Variants in AP1M2 observed in about 807,000 individuals in gnomAD.
AP1M2 encodes the protein AP-1 complex subunit mu-2.
In AP1M2, 41 loss-of-function variants were observed where a neutral mutation model predicts 54.6. The ratio of observed to expected loss-of-function variants is 0.75; its 90% confidence interval spans 0.59 to 0.97. The LOEUF is 0.97. Among genes scored for constraint, AP1M2 ranks in the 50% least tolerant of loss-of-function variants. The pLI is 0.00. For synonymous variants in AP1M2, 219 were observed against 215.9 expected (o/e 1.01, Z -0.13); for missense variants, 507 against 561.2 (o/e 0.90, Z 0.98).
intron 1 of AP1M2, 24 bp downstream of exon 1, chr19:10,587,166 C>G (rs1205252710): frequency 6.4e-7 from 1 of 1,552,270 alleles, no homozygotes; most frequent in Non-Finnish European, 8.7e-7. Flanking sequence ...TGTCCGTCTC[C>G]CAACTCCTCA....
intron 3 of AP1M2, among the ~76,000 whole-genome samples, chr19:10,582,434 G>A (rs767237791): frequency 4.0e-5 from 6 of 151,348 alleles, no homozygotes; most frequent in South Asian, 4.3e-4. Context: ...TCCAGCCTGC[G>A]TAACAGAATA....
intron 3 of AP1M2, among the ~76,000 whole-genome samples, chr19:10,583,346 C>CAG (rs1285859933): frequency 6.6e-6 from 1 of 151,850 alleles, no homozygotes; most frequent in East Asian, 1.9e-4. Flanking sequence ...CACAGAGACT[C>CAG]AAACAAGGCC....
At chr19:10,580,402 C>G (rs1333772431) in intron 6 of AP1M2, among the ~76,000 whole-genome samples, 1 of 151,932 alleles carries the variant, frequency 6.6e-6, no homozygotes. Context: ...TGGCTCACGC[C>G]TGTAATCCCC....
At position 10,583,668 on chromosome 19, in the gene AP1M2, C is replaced by T. The variant is rs866876160; in HGVS notation, c.205G>A (p.Ala69Thr). 6.2e-6 allele frequency: 10 copies of T among 1,613,094 alleles called. No homozygotes were observed. The highest frequency in any genetic ancestry group is 1.6e-4 in the Middle Eastern group (1 of 6,076). ...GCATTGGCATTCTTCGATGTGGTGGCCACCACTGGGGCAGCAAGGTTAAGG... is the reference window on the plus strand; with the variant it reads ...GCATTGGCATTCTTCGATGTGGTGGTCACCACTGGGGCAGCAAGGTTAAGG... ...WIKHSNLYLV[A>T]TTSKNANASL... Residue 69 changes from alanine to threonine, a missense_variant, in exon 3 of 12, where the codon GCC (alanine) becomes ACC (threonine). Ala to Thr is a moderately conservative substitution (Grantham distance 58). Coordinates refer to ENST00000250244, the MANE Select transcript of AP1M2 (RefSeq NM_005498.5).
intron 7 of AP1M2, among the ~76,000 whole-genome samples, chr19:10,579,308 C>A (rs1045381282): frequency 1.3e-5 from 2 of 151,962 alleles, no homozygotes; most frequent in Admixed American, 6.6e-5. Flanking sequence ...CCCAGCTACT[C>A]GGGACGCTGA....
At chr19:10,576,731 G>A (rs1599547856) in intron 9 of AP1M2, among the ~76,000 whole-genome samples, 1 of 149,074 alleles carries the variant, frequency 6.7e-6, no homozygotes, top group African/African-American at 2.5e-5. Context: ...TTGAGACGGA[G>A]TCTCGTTCTG....
intron 8 of AP1M2, among the ~76,000 whole-genome samples, 187 bp from the exon 9 acceptor site, chr19:10,577,543 C>T (rs1484152011): frequency 7.0e-6 from 1 of 141,896 alleles, no homozygotes; most frequent in Non-Finnish European, 1.5e-5. Flanking sequence ...ACGCCATTCT[C>T]CTACCTCAGC....
Position 10,577,278 on chromosome 19 carries a change from G to A in AP1M2, c.967C>T (p.Pro323Ser), listed in dbSNP as rs1353173574. The change falls in exon 9 of 12, where the codon CCC becomes TCC. Residue 323 changes from proline (P) to serine (S), a missense_variant. Physicochemically the swap from Pro to Ser is moderately conservative, Grantham distance 74. Coordinates refer to ENST00000250244, the MANE Select transcript of AP1M2 (RefSeq NM_005498.5). ...SVPVPSDADSPRFKTSVGSAK... is the reference protein window; with the variant it reads ...SVPVPSDADSSRFKTSVGSAK... ...CTGCCCACACTGGTCTTGAATCTGG[G>A]GGAGTCGGCATCGCTGGGTACAGGC... The A allele has an allele frequency of 5.3e-5, 86 of 1,612,916 alleles. No homozygotes were observed. The highest frequency in any genetic ancestry group is 6.9e-5 in the Non-Finnish European group (81 of 1,179,604).
intron 1 of AP1M2, among the ~76,000 whole-genome samples, chr19:10,585,313 AAGAAAGAAAGAAAG>A (rs1300484023): frequency 0.017 from 2,561 of 147,562 alleles, 46 homozygotes; most frequent in Non-Finnish European, 0.028. Context: ...GAAAGAAAGA[AAGAAAGAAAGAAAG>A]AAAGAAAGAA....
chr19:10,574,597 G>T, intron 10 of AP1M2, 105 bp from the exon 11 acceptor site: 1 of 983,154 alleles, frequency 1.0e-6, no homozygotes, highest in South Asian at 1.6e-5. Context: ...CACAGGCTGG[G>T]ATCGATGAGG....
chr19:10,585,306 A>AGAAG (rs1917612352), intron 1 of AP1M2, among the ~76,000 whole-genome samples: 1 of 93,496 alleles, frequency 1.1e-5, no homozygotes, highest in African/African-American at 3.2e-5. Context: ...AAAGAAAGAA[A>AGAAG]GAAAGAAAGA....
chr19:10,574,929 G>A lies in AP1M2; in HGVS notation c.1148C>T (p.Pro383Leu). The A allele has an allele frequency of 1.2e-6, 2 of 1,603,774 alleles. No individual in the cohort carries two copies. The highest frequency in any genetic ancestry group is 1.7e-5 in the Admixed American group (1 of 58,832). Residue 383 changes from proline to leucine, a missense_variant, in exon 10 of 12, where the codon CCC (proline) becomes CTC (leucine). Pro to Leu is a moderately conservative substitution (Grantham distance 98). Coordinates refer to ENST00000250244, the MANE Select transcript of AP1M2 (RefSeq NM_005498.5). Reference sequence around the variant, plus strand: ...CTGGATCCCAGAGACGGTGAAGTAGGGGATCTCAAACTTGACCCCGATGGG... The same window carrying A: ...CTGGATCCCAGAGACGGTGAAGTAGAGGATCTCAAACTTGACCCCGATGGG... ...RPPIGVKFEI[P>L]YFTVSGIQVR...
At chr19:10,577,162 C>A in intron 9 of AP1M2, 36 bp downstream of exon 9, 1 of 1,577,682 alleles carries the variant, frequency 6.3e-7, no homozygotes. Context: ...CCAGTCCCCT[C>A]CACCCCCAGA....
Position 10,581,574 on chromosome 19 carries a change from G to A in AP1M2, c.459C>T (p.Val153=). 6.2e-7 allele frequency: 1 copy of A among 1,613,842 alleles called. No homozygotes were observed. Among genetic ancestry groups the A allele is most frequent in the South Asian group, 1.1e-5 (1 of 91,056 alleles). ...CGGAGCGCCAGGACACAGCGTTGGT[G>A]ACAGTGGGTGGCACCCGTGACTTGC... ...ETGKSRVPPT[V]TNAVSWRSEG... Residue 153 remains valine, a synonymous_variant, in exon 5 of 12, where the codon GTC becomes GTT. Coordinates refer to ENST00000250244, the MANE Select transcript of AP1M2 (RefSeq NM_005498.5).
At chr19:10,577,406 C>G in intron 8 of AP1M2, 50 bp from the exon 9 acceptor site, 1 of 527,498 alleles carries the variant, frequency 1.9e-6, no homozygotes, top group Non-Finnish European at 3.2e-6. Context: ...GCTCATCCTT[C>G]AAATATTTAC....
At chr19:10,576,622 C>T (rs573345649) in intron 9 of AP1M2, among the ~76,000 whole-genome samples, 2 of 151,630 alleles carry the variant, frequency 1.3e-5, no homozygotes, top group East Asian at 1.9e-4. Context: ...TGGTCTTGAA[C>T]TTCTGACCTC....
rs374822624 is a variant in AP1M2 at position 10,578,790 on chromosome 19, G to A, written c.888+102C>T. ...TGGTCTCAAAGTCCTGGGCTTAAGT[G>A]ATCTAACCACCCCGGCCTCCCAAAG... On this transcript the variant is annotated intron_variant, in intron 8 of 11. Transcript: ENST00000250244. 23 of 850,798 alleles carry A rather than the reference G, an allele frequency of 2.7e-5. No homozygotes were observed. In the African/African-American group the frequency reaches 3.5e-4, roughly 13 times the overall value. 52.7% of individuals were successfully genotyped at this position (850,798 alleles called of 1,614,324 possible). A position where few individuals can be genotyped will look rare whatever the true frequency, so the allele number is the denominator to read the frequency against.
At chr19:10,579,591 T>G in intron 7 of AP1M2, 125 bp downstream of exon 7, 1 of 1,131,272 alleles carries the variant, frequency 8.8e-7, no homozygotes, top group Non-Finnish European at 1.2e-6. Flanking sequence ...TGTCCTCAAG[T>G]GATCCACCCG....
chr19:10,585,286 A>AGAAAGAAAGAAAGAAAGAAAGAAAGAAG (rs1917606196), intron 1 of AP1M2, among the ~76,000 whole-genome samples: 3 of 58,090 alleles, frequency 5.2e-5, no homozygotes, highest in African/African-American at 2.1e-4. Flanking sequence ...GAAGAAAAAA[A>AGAAAGAAAGAAAGAAAGAAAGAAAGAAG]GAAAGAAAGA....
Sources: allele counts gnomAD v4.1 joint callset (sites outside exome capture counted in the v4.1 genomes callset), GRCh38; gene constraint gnomAD v4.1.1; transcripts MANE v1.5; gene names NCBI Gene and HGNC (gene_info 2026-07-23, HGNC 2026-07-21).